The following CNTN5 variants were observed in gnomAD, a reference collection of about 807,000 sequenced individuals.
CNTN5 encodes contactin 5.
A neutral mutation model predicts 129.1 loss-of-function variants in CNTN5; 77 were observed. The observed-to-expected ratio is 0.60, with a 90% confidence interval of 0.50 to 0.72. The LOEUF is 0.72. Among genes scored for constraint, CNTN5 ranks in the 30% least tolerant of loss-of-function variants. The pLI is 0.00. For synonymous variants in CNTN5, 509 were observed against 465.6 expected (o/e 1.09, Z -1.20); for missense variants, 1,478 against 1,328.8 (o/e 1.11, Z -1.75).
chr11:99,148,226 A>G (rs1054992417), intron 1 of CNTN5, among the ~76,000 whole-genome samples: 1 of 152,154 alleles, frequency 6.6e-6, no homozygotes, highest in African/African-American at 2.4e-5. Flanking sequence ...AAGTGACTTT[A>G]TTATAAACTG....
chr11:99,122,603 A>T (rs1343450438), intron 1 of CNTN5, among the ~76,000 whole-genome samples: 2 of 152,038 alleles, frequency 1.3e-5, no homozygotes, highest in Non-Finnish European at 2.9e-5. Context: ...TAAGTAAACT[A>T]CCTGTCACTG....
intron 9 of CNTN5, among the ~76,000 whole-genome samples, chr11:100,037,268 A>G (rs1422990706): frequency 6.7e-6 from 1 of 150,048 alleles, no homozygotes; most frequent in African/African-American, 2.5e-5. Flanking sequence ...GCTGGATTAC[A>G]TTTATTGATT....
At chr11:99,619,898 C>T (rs1425354239) in intron 3 of CNTN5, among the ~76,000 whole-genome samples, 1 of 151,638 alleles carries the variant, frequency 6.6e-6, no homozygotes, top group Non-Finnish European at 1.5e-5. Context: ...TGGTGGCGGG[C>T]GCCTGTAGTC....
In CNTN5 at chr11:99,815,015, C is replaced by T. The variant is rs79522835; in HGVS notation, c.56-4529C>T. ...AACCATCAGCTCTCATGAGAACTCA[C>T]TATCACAAGAACAGCACGGGGGAAA... On this transcript the variant is annotated intron_variant, in intron 3 of 24. Transcript: ENST00000524871. 7.1e-3 allele frequency among the ~76,000 whole-genome samples: 1,077 copies of T among 151,274 alleles called. 10 individuals are homozygous for T. Among genetic ancestry groups the T allele is most frequent in the African/African-American group, 0.025 (1,030 of 41,294 alleles).
At chr11:100,177,658 A>T (rs763195215) in intron 13 of CNTN5, among the ~76,000 whole-genome samples, 30 of 152,108 alleles carry the variant, frequency 2.0e-4, no homozygotes, top group Non-Finnish European at 3.1e-4. Flanking sequence ...ATCTCCTTTA[A>T]TTAAAATTGT....
At chr11:99,203,462 T>C (rs1859318990) in intron 1 of CNTN5, among the ~76,000 whole-genome samples, 1 of 152,044 alleles carries the variant, frequency 6.6e-6, no homozygotes, top group African/African-American at 2.4e-5. Flanking sequence ...TTGTATCATA[T>C]AATAAGTTAT....
At chr11:99,247,031 G>A (rs917895391) in intron 1 of CNTN5, among the ~76,000 whole-genome samples, 1 of 151,992 alleles carries the variant, frequency 6.6e-6, no homozygotes, top group Non-Finnish European at 1.5e-5. Flanking sequence ...AAAAGTGAAC[G>A]TCAGAAAGTC....
At chr11:99,453,588 A>T (rs1016529536) in intron 2 of CNTN5, among the ~76,000 whole-genome samples, 5 of 152,214 alleles carry the variant, frequency 3.3e-5, no homozygotes, top group African/African-American at 1.2e-4. Flanking sequence ...AACTTAATAC[A>T]ATAATTTTCA....
intron 18 of CNTN5, among the ~76,000 whole-genome samples, chr11:100,288,856 C>T (rs200402826): frequency 5.8e-4 from 87 of 150,942 alleles, no homozygotes; most frequent in East Asian, 4.3e-3. Context: ...ATTGATAGAC[C>T]GCTAGCAAGA....
At chr11:99,084,944 TAATC>T (rs1368045054) in intron 1 of CNTN5, among the ~76,000 whole-genome samples, 3 of 152,244 alleles carry the variant, frequency 2.0e-5, no homozygotes, top group Non-Finnish European at 4.4e-5. Flanking sequence ...TTTCAGTAAT[TAATC>T]AAATAGGATT....
intron 3 of CNTN5, among the ~76,000 whole-genome samples, chr11:99,645,854 G>T (rs190281414): frequency 6.6e-6 from 1 of 152,234 alleles, no homozygotes; most frequent in East Asian, 1.9e-4. Flanking sequence ...TAAATGACGG[G>T]TTGATAGGTG....
intron 6 of CNTN5, among the ~76,000 whole-genome samples, chr11:99,903,692 G>A (rs779229288): frequency 8.5e-5 from 13 of 152,172 alleles, no homozygotes; most frequent in Middle Eastern, 3.4e-3. Context: ...GAGGAACACC[G>A]TTAGCTTTAA....
At chr11:99,786,700 A>G (rs1945538040) in intron 3 of CNTN5, among the ~76,000 whole-genome samples, 3 of 152,182 alleles carry the variant, frequency 2.0e-5, no homozygotes, top group Admixed American at 1.3e-4. Context: ...AAATAACACT[A>G]CACATCTACA....
At chr11:100,238,861 G>A (rs989148035) in intron 16 of CNTN5, among the ~76,000 whole-genome samples, 1 of 152,148 alleles carries the variant, frequency 6.6e-6, no homozygotes, top group African/African-American at 2.4e-5. Context: ...TATTCTGATT[G>A]TTGTGTCCAT....
At chr11:99,427,498 G>A (rs1037742549) in intron 2 of CNTN5, among the ~76,000 whole-genome samples, 3 of 152,094 alleles carry the variant, frequency 2.0e-5, no homozygotes, top group African/African-American at 7.2e-5. Flanking sequence ...CTGGCGCGGT[G>A]GCTCACGCCT....
At chr11:99,432,810 T>A (rs938672123) in intron 2 of CNTN5, among the ~76,000 whole-genome samples, 1 of 150,138 alleles carries the variant, frequency 6.7e-6, no homozygotes, top group African/African-American at 2.5e-5. Flanking sequence ...ATATATGGAG[T>A]GGCTGGCGGA....
intron 3 of CNTN5, among the ~76,000 whole-genome samples, chr11:99,710,938 T>C (rs1350848969): frequency 6.6e-6 from 1 of 151,944 alleles, no homozygotes; most frequent in Admixed American, 6.6e-5. Context: ...AAATGCAGAA[T>C]GCCCAATTAA....
At chr11:99,494,472 T>C (rs1485075515) in intron 2 of CNTN5, among the ~76,000 whole-genome samples, 3 of 152,178 alleles carry the variant, frequency 2.0e-5, no homozygotes, top group Non-Finnish European at 4.4e-5. Flanking sequence ...ATACTAACAG[T>C]TTTTAGATAT....
intron 1 of CNTN5, among the ~76,000 whole-genome samples, chr11:99,305,171 T>C (rs532079889): frequency 6.6e-6 from 1 of 152,168 alleles, no homozygotes; most frequent in African/African-American, 2.4e-5. Context: ...AAAAGCAAAA[T>C]AAAACACAGC....
Sources: allele counts gnomAD v4.1 joint callset (sites outside exome capture counted in the v4.1 genomes callset), GRCh38; gene constraint gnomAD v4.1.1; transcripts MANE v1.5; gene names NCBI Gene and HGNC (gene_info 2026-07-23, HGNC 2026-07-21).